Variants in CC2D2B observed in about 807,000 individuals in gnomAD.
CC2D2B encodes the protein protein CC2D2B.
In CC2D2B, 128 loss-of-function variants were observed where a neutral mutation model predicts 161.2. That is an observed-to-expected ratio of 0.79 (90% CI 0.69 to 0.92). The LOEUF is 0.92. Ranked by LOEUF, CC2D2B falls within the 40% of genes least tolerant of loss-of-function variation. The pLI is 0.00. For missense variants in CC2D2B, 1,173 were observed against 1,375.1 expected (o/e 0.85, Z 2.32); for synonymous variants, 391 against 449.8 (o/e 0.87, Z 1.65).
chr10:95,967,721 T>C (rs777103509), intron 14 of CC2D2B, among the ~76,000 whole-genome samples: 2 of 152,194 alleles, frequency 1.3e-5, no homozygotes, highest in African/African-American at 2.4e-5. Context: ...AGGGTAACTT[T>C]TACTTAGATA....
chr10:95,924,951 GT>G (rs2098535715), intron 5 of CC2D2B, 107 bp downstream of exon 5: 1 of 644,852 alleles, frequency 1.6e-6, no homozygotes, highest in Non-Finnish European at 2.7e-6. Flanking sequence ...ATGATTTCTA[GT>G]TAATTTACAG....
chr10:95,912,525 T>C (rs2098508186), intron 2 of CC2D2B, among the ~76,000 whole-genome samples: 1 of 152,078 alleles, frequency 6.6e-6, no homozygotes, highest in Admixed American at 6.6e-5. Context: ...GGTATGACCA[T>C]TGAAGGATAC....
At chr10:95,954,991 C>T (rs527253227) in intron 10 of CC2D2B, among the ~76,000 whole-genome samples, 21 of 152,084 alleles carry the variant, frequency 1.4e-4, no homozygotes, top group African/African-American at 4.3e-4. Flanking sequence ...AGATAGTTAT[C>T]AATATATGTA....
intron 6 of CC2D2B, among the ~76,000 whole-genome samples, chr10:95,934,388 C>T (rs7904176): frequency 0.16 from 24,594 of 151,050 alleles, 2,136 homozygotes; most frequent in Middle Eastern, 0.26. Flanking sequence ...GGGGAGTGAA[C>T]GGTTCTGTCG....
chr10:95,967,862 C>T (rs1477705019), intron 14 of CC2D2B, among the ~76,000 whole-genome samples: 3 of 152,046 alleles, frequency 2.0e-5, no homozygotes, highest in Non-Finnish European at 1.5e-5. Flanking sequence ...ACATACTGGG[C>T]CCATAGGGTG....
chr10:95,980,432 G>A (rs926502435), intron 17 of CC2D2B, among the ~76,000 whole-genome samples: 3 of 152,118 alleles, frequency 2.0e-5, no homozygotes, highest in African/African-American at 7.2e-5. Context: ...TGTTGTTGTT[G>A]TTGTTGTTAA....
chr10:96,031,461 T>C (rs1269166493), intron 34 of CC2D2B, among the ~76,000 whole-genome samples: 2 of 152,214 alleles, frequency 1.3e-5, no homozygotes, highest in Non-Finnish European at 2.9e-5. Flanking sequence ...TTGAATAAAT[T>C]GTTCTGAAAT....
chr10:95,991,557 A>G (rs1487000958), intron 21 of CC2D2B, 96 bp downstream of exon 21: 47 of 361,620 alleles, frequency 1.3e-4, no homozygotes, highest in Non-Finnish European at 1.5e-5. Context: ...ATTAAGCCAT[A>G]TGTCAAAAGA....
chr10:95,930,597 AG>A (rs1052729192), intron 6 of CC2D2B, among the ~76,000 whole-genome samples: 1 of 152,140 alleles, frequency 6.6e-6, no homozygotes, highest in African/African-American at 2.4e-5. Flanking sequence ...TTAGCATGAA[AG>A]GGTGTTGAAT....
rs558663082 is a variant in CC2D2B, at chr10:95,915,307, T to G, written c.36+3948T>G. On this transcript the variant is annotated intron_variant, in intron 2 of 34. Coordinates refer to ENST00000646931, the MANE Select transcript of CC2D2B (RefSeq NM_001349008.3). ...TTGTTCATCATTTCTAATTTTTTTT[T>G]GTGAAGTCTTTATGTTTTTCTAAAT... is the stretch of plus-strand genomic sequence containing the variant. 2.6e-5 allele frequency among the ~76,000 whole-genome samples: 4 copies of G among 152,316 alleles called. 1 individual carries two copies. The South Asian group carries it at 6.2e-4, about 24-fold the overall frequency.
chr10:95,952,279 A>C (rs2076428360), intron 10 of CC2D2B: 1 of 152,226 alleles, frequency 6.6e-6, no homozygotes, highest in African/African-American at 2.4e-5. Flanking sequence ...GAGAGAGTAG[A>C]AAGGATGCTC....
At chr10:95,926,300 A>G (rs911668634) in intron 5 of CC2D2B, among the ~76,000 whole-genome samples, 2 of 152,140 alleles carry the variant, frequency 1.3e-5, no homozygotes, top group Non-Finnish European at 2.9e-5. Context: ...CCCAATTACC[A>G]CACAGGTATA....
At chr10:95,964,745 A>G (rs1036555124) in intron 12 of CC2D2B, among the ~76,000 whole-genome samples, 1 of 152,142 alleles carries the variant, frequency 6.6e-6, no homozygotes, top group Non-Finnish European at 1.5e-5. Flanking sequence ...CCTATATTCT[A>G]TTTCAGAAGG....
intron 19 of CC2D2B, among the ~76,000 whole-genome samples, chr10:95,985,881 C>A (rs2077698907): frequency 6.6e-6 from 1 of 152,106 alleles, no homozygotes; most frequent in Non-Finnish European, 1.5e-5. Context: ...GTTGTGGATA[C>A]AGGATGAAAT....
At chr10:95,940,543 C>T (rs1278493692) in intron 9 of CC2D2B, among the ~76,000 whole-genome samples, 1 of 152,064 alleles carries the variant, frequency 6.6e-6, no homozygotes, top group Non-Finnish European at 1.5e-5. Flanking sequence ...TTTAGAGTTA[C>T]CACCCATCTG....
At chr10:95,947,435 A>G (rs1275547522) in intron 9 of CC2D2B, among the ~76,000 whole-genome samples, 1 of 142,860 alleles carries the variant, frequency 7.0e-6, no homozygotes, top group Non-Finnish European at 1.6e-5. Context: ...CTTTCTTAAT[A>G]AACTTGCTTT....
intron 23 of CC2D2B, among the ~76,000 whole-genome samples, chr10:95,995,848 TA>T (rs909515376): frequency 3.3e-5 from 5 of 152,352 alleles, no homozygotes; most frequent in African/African-American, 1.2e-4. Flanking sequence ...TTTCATACCT[TA>T]AAGATGTTTC....
At chr10:95,973,861 CAAAAAAAAAA>C (rs576579109) in intron 16 of CC2D2B, 138 bp from the exon 17 acceptor site, 18 of 234,188 alleles carry the variant, frequency 7.7e-5, no homozygotes, top group African/African-American at 7.0e-4. Flanking sequence ...AACTCTGTCT[CAAAAAAAAAA>C]AAAAAAAAAG....
rs745436999 is a variant in CC2D2B at position 95,924,781 on chromosome 10, T to G, written c.177T>G (p.Ile59Met). The change falls in exon 5 of 35, where the codon ATT (isoleucine) becomes ATG (methionine). Residue 59 changes from isoleucine (I) to methionine (M), a missense_variant and splice_region_variant. By Grantham distance (10) the Ile-to-Met change is conservative. This residue lies in a region of CC2D2B where 298 missense variants were observed against 261.2 expected (regional missense o/e 1.14). Coordinates refer to ENST00000646931, the MANE Select transcript of CC2D2B (RefSeq NM_001349008.3). ...GATTTATTTATGTTGTGTTTCAGAT[T>G]AATAAAGGTGAAAAATCTTCAACTG... ...KVREKLKISK[I>M]NKGEKSSTEQ... The G allele has an allele frequency of 3.9e-6, 6 of 1,529,514 alleles. No individual in the cohort carries two copies. In the South Asian group the frequency reaches 6.0e-5, roughly 15 times the overall value. 94.7% of individuals were successfully genotyped at this position (1,529,514 alleles called of 1,614,324 possible).
Sources: gnomAD v4.1 joint callset for allele counts (sites outside exome capture counted in the v4.1 genomes callset) on GRCh38, gnomAD v4.1.1 for gene constraint, gnomAD v4.1.1 regional missense constraint, MANE v1.5 for transcripts, NCBI Gene and HGNC (gene_info 2026-07-23, HGNC 2026-07-21) for gene names.